The following PAIP1 variants were observed in gnomAD, a reference collection of about 807,000 sequenced individuals.
The protein encoded by PAIP1 is polyadenylate-binding protein-interacting protein 1.
A neutral mutation model predicts 61.3 loss-of-function variants in PAIP1; 16 were observed. That is an observed-to-expected ratio of 0.26 (90% CI 0.18 to 0.40). The LOEUF (loss-of-function observed/expected upper bound fraction) is 0.40, where lower values mean the gene tolerates loss of function less well. Ranked by LOEUF, PAIP1 falls within the 10% of genes least tolerant of loss-of-function variation. The probability of loss-of-function intolerance (pLI) is 1.00; values close to 1 mark genes in which losing one functional copy is unlikely to be tolerated. For synonymous variants in PAIP1, 187 were observed against 226.2 expected (o/e 0.83, Z 1.56); for missense variants, 416 against 600.9 (o/e 0.69, Z 3.22).
intron 3 of PAIP1, among the ~76,000 whole-genome samples, chr5:43,546,773 G>T (rs1333224912): frequency 2.0e-5 from 3 of 151,982 alleles, no homozygotes; most frequent in African/African-American, 7.3e-5. Flanking sequence ...AGGTGCAGCG[G>T]CTCATGTCTG....
At chr5:43,552,753 T>C (rs568717288) in intron 2 of PAIP1, among the ~76,000 whole-genome samples, 8 of 152,082 alleles carry the variant, frequency 5.3e-5, no homozygotes, top group Admixed American at 3.3e-4. Context: ...CTTAAAACAA[T>C]GGGAGGGAGC....
intron 2 of PAIP1, among the ~76,000 whole-genome samples, chr5:43,552,905 C>T (rs1482929580): frequency 6.6e-6 from 1 of 151,952 alleles, no homozygotes; most frequent in Non-Finnish European, 1.5e-5. Flanking sequence ...GAACATCAGT[C>T]ACAAAAATAG....
intron 2 of PAIP1, 45 bp downstream of exon 2, chr5:43,555,785 T>C (rs1044404112): frequency 8.8e-6 from 13 of 1,483,858 alleles, no homozygotes; most frequent in Admixed American, 3.9e-5. Flanking sequence ...AACCACATTA[T>C]TCCAGTAAAT....
At chr5:43,537,609 T>A (rs1266083250) in intron 5 of PAIP1, among the ~76,000 whole-genome samples, 1 of 151,978 alleles carries the variant, frequency 6.6e-6, no homozygotes, top group Non-Finnish European at 1.5e-5. Flanking sequence ...CATTGTCTTA[T>A]GATGTTTCTG....
intron 9 of PAIP1, among the ~76,000 whole-genome samples, chr5:43,531,656 C>CAAAAAAAAAAAAAAAAAAGAAAAA (rs1746938084): frequency 1.7e-5 from 1 of 59,868 alleles, no homozygotes; most frequent in African/African-American, 4.9e-5. Context: ...GACTCTGTCT[C>CAAAAAAAAAAAAAAAAAAGAAAAA]AAAAAAAAAA....
chr5:43,538,990 A>G lies in PAIP1; in HGVS notation c.780T>C (p.Asp260=). Residue 260 remains aspartate, a synonymous_variant, in exon 5 of 11, where the codon GAT becomes GAC. Transcript: ENST00000306846. ...YEVKDQAAKG[D]EVTRKRFHAF... The stretch of plus-strand genomic sequence containing the variant: ...CATGAAATCGTTTTCGAGTAACTTC[A>G]TCCCCTTTTGCAGCTTGATCTTTAA... 6.2e-7 allele frequency: 1 copy of G among 1,611,938 alleles called. No individual in the cohort carries two copies. Among genetic ancestry groups the G allele is most frequent in the Admixed American group, 1.7e-5 (1 of 60,028 alleles).
In PAIP1 at chr5:43,526,458, A is replaced by G. The variant is rs1746714955; in HGVS notation, c.*918T>C. On this transcript the variant is annotated 3_prime_UTR_variant, in exon 11 of 11. Transcript: ENST00000306846. ...ATCCTTTTGTACACAGTTTTTAGTT[A>G]GCTGGAAAAAGATTTGACATTAGGT... 6.6e-6 allele frequency: 1 copy of G among 152,282 alleles called. No homozygotes were observed. Among genetic ancestry groups the G allele is most frequent in the South Asian group, 2.1e-4 (1 of 4,810 alleles). 9.4% of individuals were successfully genotyped at this position (152,282 alleles called of 1,614,324 possible). A position where few individuals can be genotyped will look rare whatever the true frequency, so the allele number is the denominator to read the frequency against.
intron 4 of PAIP1, among the ~76,000 whole-genome samples, chr5:43,541,522 C>CT (rs1410044453): frequency 6.7e-6 from 1 of 149,656 alleles, no homozygotes; most frequent in African/African-American, 2.5e-5. Context: ...GGGAACTCAT[C>CT]TTTTTTTCCC....
At chr5:43,551,745 C>CTTTT (rs10640960) in intron 2 of PAIP1, among the ~76,000 whole-genome samples, 3,679 of 142,924 alleles carry the variant, frequency 0.026, 126 homozygotes, top group African/African-American at 0.077. Context: ...GATTTGCAAT[C>CTTTT]TTTTTTTTTT....
At chr5:43,531,975 A>G (rs1240438622) in intron 9 of PAIP1, among the ~76,000 whole-genome samples, 3 of 152,166 alleles carry the variant, frequency 2.0e-5, no homozygotes, top group African/African-American at 7.2e-5. Context: ...GGTCAAGATT[A>G]TTTGAACAAA....
intron 3 of PAIP1, among the ~76,000 whole-genome samples, chr5:43,543,759 T>C (rs1747516292): frequency 1.3e-5 from 2 of 151,368 alleles, no homozygotes; most frequent in African/African-American, 4.9e-5. Flanking sequence ...ACTGAAGCAG[T>C]GTTCAGCAAG....
chr5:43,547,929 G>A lies in PAIP1; in HGVS notation c.436-16C>T, dbSNP rs1328600196. ...CATAGGATTCCTACGGATCAAAAAT[G>A]AAAAAACAATTTTAATCTATGCAAC... On this transcript the variant is annotated splice_polypyrimidine_tract_variant and intron_variant, in intron 2 of 10. Transcript: ENST00000306846. 10 of 1,563,118 alleles carry A rather than the reference G, an allele frequency of 6.4e-6. No individual in the cohort carries two copies. Among genetic ancestry groups the A allele is most frequent in the Middle Eastern group, 1.8e-4 (1 of 5,708 alleles).
At chr5:43,537,018 G>A (rs1347157940) in intron 5 of PAIP1, 74 bp from the exon 6 acceptor site, 1 of 1,071,648 alleles carries the variant, frequency 9.3e-7, no homozygotes, top group Non-Finnish European at 1.3e-6. Flanking sequence ...AACTAACAAG[G>A]TGTTGGCAAA....
intron 3 of PAIP1, among the ~76,000 whole-genome samples, chr5:43,545,975 G>A (rs1264596289): frequency 1.3e-5 from 2 of 152,002 alleles, no homozygotes; most frequent in Admixed American, 1.3e-4. Context: ...GTTTCTCCAT[G>A]TTGGTCAGGC....
At chr5:43,540,362 CTT>C (rs1242982312) in intron 4 of PAIP1, among the ~76,000 whole-genome samples, 1 of 150,410 alleles carries the variant, frequency 6.6e-6, no homozygotes, top group Non-Finnish European at 1.5e-5. Context: ...TCTGTTACAA[CTT>C]TGTCGGTAAG....
chr5:43,538,300 G>C (rs1747239596), intron 5 of PAIP1, among the ~76,000 whole-genome samples: 1 of 152,060 alleles, frequency 6.6e-6, no homozygotes, highest in Admixed American at 6.6e-5. Flanking sequence ...GATGACTATA[G>C]TTAACAATAT....
intron 10 of PAIP1, among the ~76,000 whole-genome samples, chr5:43,528,740 T>C (rs918989251): frequency 6.6e-6 from 1 of 151,708 alleles, no homozygotes; most frequent in African/African-American, 2.4e-5. Flanking sequence ...ACAGGAGATA[T>C]TAAAAAAAAA....
At chr5:43,545,157 A>G (rs1481745564) in intron 3 of PAIP1, among the ~76,000 whole-genome samples, 3 of 152,082 alleles carry the variant, frequency 2.0e-5, no homozygotes, top group African/African-American at 4.8e-5. Context: ...TAAACTCACT[A>G]CTCTGTAAAT....
chr5:43,529,710 T>G (rs774938717), intron 10 of PAIP1, 76 bp downstream of exon 10: 6 of 824,494 alleles, frequency 7.3e-6, no homozygotes, highest in Non-Finnish European at 1.3e-5. Flanking sequence ...CATTCCTTCA[T>G]GAGCTACTTT....
Sources: gnomAD v4.1 joint callset for allele counts (sites outside exome capture counted in the v4.1 genomes callset) on GRCh38, gnomAD v4.1.1 for gene constraint, MANE v1.5 for transcripts, NCBI Gene and HGNC (gene_info 2026-07-23, HGNC 2026-07-21) for gene names.